The following HYCC1 variants were observed in gnomAD, a reference collection of about 807,000 sequenced individuals.
HYCC1 encodes the protein hyccin.
the HYCC1 span, chr7:22,960,457 AGAGC>A: frequency 6.6e-7 from 1 of 1,505,146 alleles, no homozygotes; most frequent in African/African-American, 1.4e-5. Flanking sequence ...ATGAGCAGAT[AGAGC>A]AGATATATTA....
At chr7:23,002,872 G>A in the HYCC1 span, among the ~76,000 whole-genome samples, 3 of 152,126 alleles carry the variant, frequency 2.0e-5, no homozygotes, top group Non-Finnish European at 4.4e-5. Context: ...CAGGAGGGTT[G>A]GTTCCTTTTT....
At chr7:22,919,202 C>A in the HYCC1 span, among the ~76,000 whole-genome samples, 1 of 152,122 alleles carries the variant, frequency 6.6e-6, no homozygotes, top group South Asian at 2.1e-4. Flanking sequence ...TATATACGTA[C>A]AAAGAACTCA....
chr7:22,998,707 T>C, the HYCC1 span, among the ~76,000 whole-genome samples: 1 of 152,140 alleles, frequency 6.6e-6, no homozygotes. Flanking sequence ...TTCCTCTGCA[T>C]CTGCTGATCA....
At chr7:22,983,397 A>T in the HYCC1 span, among the ~76,000 whole-genome samples, 2 of 151,960 alleles carry the variant, frequency 1.3e-5, no homozygotes, top group Admixed American at 1.3e-4. Flanking sequence ...AAGAGGAAAG[A>T]CTGGGAAAGG....
chr7:22,958,426 T>C, the HYCC1 span, among the ~76,000 whole-genome samples: 2 of 152,162 alleles, frequency 1.3e-5, no homozygotes, highest in Non-Finnish European at 2.9e-5. Flanking sequence ...TTCACTTCTA[T>C]ATTCTCATCT....
the HYCC1 span, among the ~76,000 whole-genome samples, chr7:22,896,284 T>C: frequency 6.6e-6 from 1 of 152,212 alleles, no homozygotes; most frequent in Non-Finnish European, 1.5e-5. Context: ...AAATTGAATA[T>C]GACTCTAAAG....
chr7:22,905,075 A>G, the HYCC1 span, among the ~76,000 whole-genome samples: 2 of 152,080 alleles, frequency 1.3e-5, no homozygotes, highest in Non-Finnish European at 2.9e-5. Context: ...CACAGTTTTA[A>G]AAAACCAGAT....
chr7:22,932,958 AAAGAAAGCCCTGTGAC>A, the HYCC1 span, among the ~76,000 whole-genome samples: 2 of 152,208 alleles, frequency 1.3e-5, no homozygotes, highest in African/African-American at 4.8e-5. Flanking sequence ...AATACTCAGG[AAAGAAAGCCCTGTGAC>A]AACAGAAGTA....
At chr7:22,995,931 T>A in the HYCC1 span, among the ~76,000 whole-genome samples, 1 of 152,184 alleles carries the variant, frequency 6.6e-6, no homozygotes, top group Non-Finnish European at 1.5e-5. Flanking sequence ...TCAAAATGAT[T>A]ACAGACATGA....
At chr7:23,000,903 T>C in the HYCC1 span, among the ~76,000 whole-genome samples, 1 of 140,410 alleles carries the variant, frequency 7.1e-6, no homozygotes, top group Non-Finnish European at 1.5e-5. Flanking sequence ...AACTAACTAC[T>C]TGACAAAGTT....
the HYCC1 span, among the ~76,000 whole-genome samples, chr7:22,999,853 T>C: frequency 6.6e-6 from 1 of 152,104 alleles, no homozygotes; most frequent in African/African-American, 2.4e-5. Flanking sequence ...AAGCAGGGAA[T>C]AGACGAGAGG....
the HYCC1 span, among the ~76,000 whole-genome samples, chr7:22,918,776 A>G: frequency 0.22 from 32,537 of 149,838 alleles, 3,662 homozygotes; most frequent in East Asian, 0.37. Flanking sequence ...GTAATTTTCC[A>G]CTACCCACCC....
chr7:22,990,615 T>C, the HYCC1 span, among the ~76,000 whole-genome samples: 2 of 152,234 alleles, frequency 1.3e-5, no homozygotes, highest in Non-Finnish European at 2.9e-5. Context: ...TCAAAGGTCA[T>C]ACACCCCTTA....
chr7:22,932,339 AGATGGGG>A, the HYCC1 span, among the ~76,000 whole-genome samples: 1 of 152,304 alleles, frequency 6.6e-6, no homozygotes, highest in Admixed American at 6.5e-5. Flanking sequence ...TGGATGCAGT[AGATGGGG>A]TCATTATTGC....
chr7:22,919,069 T>G, the HYCC1 span, among the ~76,000 whole-genome samples: 2 of 152,166 alleles, frequency 1.3e-5, no homozygotes, highest in Admixed American at 1.3e-4. Flanking sequence ...TGTCCAATTT[T>G]CATAAAAAAT....
the HYCC1 span, chr7:22,977,366 A>T: frequency 6.3e-7 from 1 of 1,598,272 alleles, no homozygotes; most frequent in Non-Finnish European, 8.6e-7. Context: ...TGGTTTGGAT[A>T]AAGATGGAAT....
the HYCC1 span, chr7:22,938,862 T>C: frequency 9.9e-5 from 15 of 152,144 alleles, no homozygotes; most frequent in Non-Finnish European, 1.3e-4. Context: ...TCAGGGAAAT[T>C]AGCACAATGC....
At chr7:22,991,043 T>C in the HYCC1 span, 4 of 1,540,872 alleles carry the variant, frequency 2.6e-6, no homozygotes, top group Admixed American at 3.3e-5. Flanking sequence ...ATTACTATAG[T>C]AGAACAGTAA....
At chr7:22,910,889 T>C in the HYCC1 span, among the ~76,000 whole-genome samples, 2 of 151,610 alleles carry the variant, frequency 1.3e-5, no homozygotes, top group Non-Finnish European at 2.9e-5. Context: ...AAAAAAACCA[T>C]GCAGAAATCC....
Sources: allele counts gnomAD v4.1 joint callset (sites outside exome capture counted in the v4.1 genomes callset), GRCh38; gene constraint gnomAD v4.1.1; transcripts MANE v1.5; gene names NCBI Gene and HGNC (gene_info 2026-07-23, HGNC 2026-07-21).